Variants in STXBP5 observed in about 807,000 individuals in gnomAD.
STXBP5 encodes syntaxin-binding protein 5.
Under a neutral mutation model 152.4 loss-of-function variants are expected in STXBP5, and 50 were observed. The ratio of observed to expected loss-of-function variants is 0.33; its 90% CI spans 0.26 to 0.42. STXBP5 has a LOEUF of 0.42. Ranked by LOEUF, STXBP5 falls within the 10% of genes least tolerant of loss-of-function variation. The pLI, the probability that STXBP5 is intolerant of heterozygous loss-of-function variation, is 1.00. For synonymous variants in STXBP5, 492 were observed against 494.7 expected, an observed-to-expected ratio of 0.99 and a Z score of 0.07; for missense variants, 1,167 against 1,388.6, an observed-to-expected ratio of 0.84 and a Z score of 2.54.
intron 25 of STXBP5, among the ~76,000 whole-genome samples, chr6:147,367,488 T>C (rs558070551): frequency 1.3e-5 from 2 of 151,520 alleles, no homozygotes; most frequent in East Asian, 3.9e-4. Flanking sequence ...AATACAAAAA[T>C]TTAGCCGGGC....
chr6:147,328,639 CA>C (rs1473815476), intron 18 of STXBP5: 9 of 455,710 alleles, frequency 2.0e-5, no homozygotes, highest in African/African-American at 1.8e-4. Context: ...TTGTCCCAAC[CA>C]TACCATTCTA....
chr6:147,218,308 T>A (rs1273208358), intron 2 of STXBP5, among the ~76,000 whole-genome samples: 2 of 152,200 alleles, frequency 1.3e-5, no homozygotes, highest in East Asian at 1.9e-4. Flanking sequence ...ATATTCTCAC[T>A]CTGCAGAGTT....
chr6:147,282,810 T>C (rs943822225), intron 8 of STXBP5, among the ~76,000 whole-genome samples: 2 of 152,056 alleles, frequency 1.3e-5, no homozygotes, highest in African/African-American at 4.8e-5. Context: ...GGGTTGAGGG[T>C]GATGTGTTGC....
chr6:147,324,264 GTTTT>G (rs1179573055), intron 16 of STXBP5, among the ~76,000 whole-genome samples: 4 of 57,954 alleles, frequency 6.9e-5, no homozygotes, highest in Admixed American at 2.9e-4. Context: ...TTTTTTTTTG[GTTTT>G]TTTTTTTTTT....
intron 25 of STXBP5, among the ~76,000 whole-genome samples, chr6:147,367,742 AC>A (rs1319002579): frequency 6.6e-6 from 1 of 152,150 alleles, no homozygotes; most frequent in Non-Finnish European, 1.5e-5. Flanking sequence ...CAATAGAAAA[AC>A]ATCAATGAAA....
At chr6:147,243,028 G>A (rs550746040) in intron 4 of STXBP5, among the ~76,000 whole-genome samples, 1 of 151,754 alleles carries the variant, frequency 6.6e-6, no homozygotes, top group African/African-American at 2.4e-5. Flanking sequence ...GCTTTTTTTG[G>A]CCATTATGAA....
At chr6:147,317,193 T>G (rs2128376696) in intron 16 of STXBP5, among the ~76,000 whole-genome samples, 1 of 152,232 alleles carries the variant, frequency 6.6e-6, no homozygotes. Context: ...TAATTTGCAT[T>G]TATTAAAAGG....
At chr6:147,347,755 G>A (rs1029332605) in intron 21 of STXBP5, among the ~76,000 whole-genome samples, 3 of 152,096 alleles carry the variant, frequency 2.0e-5, no homozygotes, top group Admixed American at 2.0e-4. Flanking sequence ...GATACATCTT[G>A]TAATAAAAAA....
chr6:147,304,009 A>G (rs1366318126), intron 9 of STXBP5, among the ~76,000 whole-genome samples: 2 of 152,344 alleles, frequency 1.3e-5, no homozygotes, highest in Middle Eastern at 3.4e-3. Flanking sequence ...TTGCAGCCTG[A>G]TGATGTTCTA....
chr6:147,341,961 A>G (rs1017728910), intron 21 of STXBP5, among the ~76,000 whole-genome samples: 3 of 152,214 alleles, frequency 2.0e-5, no homozygotes, highest in African/African-American at 7.2e-5. Flanking sequence ...GAAACTGAAT[A>G]TAAGTAATGT....
intron 15 of STXBP5, 31 bp downstream of exon 15, chr6:147,315,766 A>G (rs760723587): frequency 5.1e-6 from 8 of 1,575,182 alleles, no homozygotes; most frequent in Middle Eastern, 1.7e-4. Flanking sequence ...TTCATGGTCA[A>G]GTTATTTTCA....
At chr6:147,337,892 A>G (rs1413650949) in intron 19 of STXBP5, among the ~76,000 whole-genome samples, 9 of 152,088 alleles carry the variant, frequency 5.9e-5, no homozygotes, top group African/African-American at 2.2e-4. Flanking sequence ...TAAGACCACT[A>G]TAAAAGTAAT....
chr6:147,351,388 A>G (rs1784583347), intron 21 of STXBP5, among the ~76,000 whole-genome samples: 1 of 152,140 alleles, frequency 6.6e-6, no homozygotes. Context: ...ACTGTGCCAA[A>G]TTTATTTTCT....
intron 18 of STXBP5, among the ~76,000 whole-genome samples, chr6:147,327,939 AGG>A (rs1783353125): frequency 6.6e-6 from 1 of 152,240 alleles, no homozygotes. Context: ...TTTAATTCAA[AGG>A]AATCATTCCC....
At chr6:147,284,164 G>T (rs543519212) in intron 8 of STXBP5, among the ~76,000 whole-genome samples, 1 of 151,920 alleles carries the variant, frequency 6.6e-6, no homozygotes, top group East Asian at 1.9e-4. Context: ...TCTTAACTTG[G>T]ACTAGATACA....
At chr6:147,365,043 A>G (rs915621619) in intron 25 of STXBP5, among the ~76,000 whole-genome samples, 4 of 152,174 alleles carry the variant, frequency 2.6e-5, no homozygotes, top group Middle Eastern at 3.2e-3. Flanking sequence ...CTCAGAGGAT[A>G]TGATATGGAT....
At chr6:147,254,135 C>T (rs1779240392) in intron 4 of STXBP5, among the ~76,000 whole-genome samples, 1 of 151,918 alleles carries the variant, frequency 6.6e-6, no homozygotes, top group Non-Finnish European at 1.5e-5. Context: ...TCAGAAACAA[C>T]CCACACATCT....
chr6:147,232,105 T>G (rs1376402464), intron 2 of STXBP5, among the ~76,000 whole-genome samples: 1 of 151,866 alleles, frequency 6.6e-6, no homozygotes, highest in African/African-American at 2.4e-5. Flanking sequence ...AGGTCTTATA[T>G]GCATTTTATA....
chr6:147,269,796 G>A (rs2128336525), intron 7 of STXBP5, among the ~76,000 whole-genome samples: 1 of 152,144 alleles, frequency 6.6e-6, no homozygotes, highest in Admixed American at 6.5e-5. Flanking sequence ...TGAAAGAATG[G>A]AGGAAAAAAG....
Sources: gnomAD v4.1 joint callset for allele counts (sites outside exome capture counted in the v4.1 genomes callset) on GRCh38, gnomAD v4.1.1 for gene constraint, MANE v1.5 for transcripts, NCBI Gene and HGNC (gene_info 2026-07-23, HGNC 2026-07-21) for gene names.